The following VWA5A variants were observed in gnomAD, a reference collection of about 807,000 sequenced individuals.
The protein encoded by VWA5A is von Willebrand factor A domain containing 5A.
VWA5A carries 77 observed loss-of-function variants against 84.6 expected under a neutral mutation model. The ratio of observed to expected loss-of-function variants is 0.91; its 90% CI spans 0.76 to 1.10. The LOEUF is 1.10. VWA5A is among the 50% of genes least tolerant of loss of function. VWA5A has a pLI of 0.00. For missense variants in VWA5A, 973 were observed against 963.0 expected (o/e 1.01, Z -0.14); for synonymous variants, 334 against 350.1 (o/e 0.95, Z 0.51).
At chr11:124,122,416 A>G (rs976052290) in intron 7 of VWA5A, among the ~76,000 whole-genome samples, 1 of 152,224 alleles carries the variant, frequency 6.6e-6, no homozygotes, top group Non-Finnish European at 1.5e-5. Flanking sequence ...GGGGACTATC[A>G]GCGAGTTATT....
chr11:124,134,629 G>T (rs1865145883), intron 11 of VWA5A, among the ~76,000 whole-genome samples: 1 of 152,160 alleles, frequency 6.6e-6, no homozygotes. Flanking sequence ...CTATCATTTA[G>T]TAGTTGCATG....
chr11:124,122,175 G>A lies in VWA5A; in HGVS notation c.761-785G>A, dbSNP rs111951222. Among the ~76,000 whole-genome samples, 363 of 152,316 alleles carry A rather than the reference G, an allele frequency of 2.4e-3. 3 individuals carry two copies. The highest frequency in any genetic ancestry group is 8.2e-3 in the African/African-American group (339 of 41,582). On this transcript the variant is annotated intron_variant, in intron 7 of 18. Coordinates refer to ENST00000456829, the MANE Select transcript of VWA5A (RefSeq NM_001130142.2). ...TGGGATAAAGGAATTTAATTATATAGCCTCTTATATTTTCTGTAAAGCTGG... is the reference window on the plus strand; with the variant it reads ...TGGGATAAAGGAATTTAATTATATAACCTCTTATATTTTCTGTAAAGCTGG...
chr11:124,142,298 A>G, intron 16 of VWA5A, 144 bp from the exon 17 acceptor site: 1 of 1,131,108 alleles, frequency 8.8e-7, no homozygotes, highest in Non-Finnish European at 1.2e-6. Context: ...TTGAAGACCG[A>G]TCTTCTGGAT....
chr11:124,146,083 T>G lies in VWA5A; in HGVS notation c.*138T>G. The G allele has an allele frequency of 1.2e-6, 1 of 827,630 alleles. No individual in the cohort carries two copies. The highest frequency in any genetic ancestry group is 2.9e-5 in the East Asian group (1 of 34,178). The allele number at this position is 827,630 out of a possible 1,614,324, so 51.3% of individuals were successfully genotyped here. A position where few individuals can be genotyped will look rare whatever the true frequency, so the allele number is the denominator to read the frequency against. Reference sequence around the variant, plus strand: ...AAAAGTAAAGGATGCTTACTCCACTTCGCTTCTCTGCTCCAGGTTCACTTT... The same window carrying G: ...AAAAGTAAAGGATGCTTACTCCACTGCGCTTCTCTGCTCCAGGTTCACTTT... On this transcript the variant is annotated 3_prime_UTR_variant, in exon 19 of 19. Transcript: ENST00000456829.
At chr11:124,145,789 G>T in intron 18 of VWA5A, 77 bp from the exon 19 acceptor site, 1 of 1,418,742 alleles carries the variant, frequency 7.0e-7, no homozygotes, top group Non-Finnish European at 9.6e-7. Context: ...CACAACTCAG[G>T]GTAGATGATC....
Position 124,123,378 on chromosome 11 carries a change from T to A in VWA5A, c.943T>A (p.Leu315Met). The change falls in exon 9 of 19, where the codon TTG (leucine) becomes ATG (methionine). Residue 315 changes from leucine (L) to methionine (M), a missense_variant. By Grantham distance (15) the Leu-to-Met change is conservative. Transcript: ENST00000456829. ...RIQAAKETLI[L>M]LLKSLPIGCY... ...CTCTTACCTTCAGGAAACACTGATT[T>A]TGCTGCTGAAGAGTTTACCTATAGG... 1 of 1,613,748 alleles carries A rather than the reference T, an allele frequency of 6.2e-7. No homozygotes were observed. The highest frequency in any genetic ancestry group is 1.7e-4 in the Middle Eastern group (1 of 6,060).
In VWA5A at chr11:124,136,665, C is replaced by G. The variant is rs1860592586; in HGVS notation, c.1616C>G (p.Pro539Arg). 1 of 1,613,276 alleles carries G rather than the reference C, an allele frequency of 6.2e-7. No individual in the cohort carries two copies. Among genetic ancestry groups the G allele is most frequent in the Non-Finnish European group, 8.5e-7 (1 of 1,179,676 alleles). ...GTGACATTTCCTCTACAACCCAAGC[C>G]TGATGTCAAGTGAGAATTCAGTTTT... Reference protein sequence around the residue: ...DKVTFPLQPKPDVNLTIHRLA... With the variant: ...DKVTFPLQPKRDVNLTIHRLA... Residue 539 changes from proline to arginine, a missense_variant, in exon 14 of 19, where the codon CCT becomes CGT. Pro to Arg is a moderately radical substitution (Grantham distance 103). Coordinates refer to ENST00000456829, the MANE Select transcript of VWA5A (RefSeq NM_001130142.2).
chr11:124,116,665 G>A lies in VWA5A; in HGVS notation c.-31G>A, dbSNP rs1864835659. On this transcript the variant is annotated 5_prime_UTR_variant, in exon 2 of 19. Transcript: ENST00000456829. ...CTCCTCACACCTGCCACTGTCCTCT[G>A]CGTTGCTGTCGAATTGTGAGTCATT... 6.6e-6 allele frequency: 1 copy of A among 152,200 alleles called. No individual in the cohort carries two copies. Among genetic ancestry groups the A allele is most frequent in the Non-Finnish European group, 1.5e-5 (1 of 68,064 alleles). 9.4% of individuals were successfully genotyped at this position (152,200 alleles called of 1,614,324 possible).
intron 11 of VWA5A, among the ~76,000 whole-genome samples, chr11:124,126,527 G>A (rs545757268): frequency 2.6e-5 from 4 of 152,270 alleles, no homozygotes; most frequent in Admixed American, 2.0e-4. Context: ...TTGGGAGGCC[G>A]AGGCAGGCAG....
At chr11:124,130,151 C>T in intron 11 of VWA5A, among the ~76,000 whole-genome samples, 1 of 152,108 alleles carries the variant, frequency 6.6e-6, no homozygotes, top group Non-Finnish European at 1.5e-5. Context: ...AGTGCTTTAG[C>T]TGTGTCCCAG....
Position 124,116,667 on chromosome 11 carries a change from G to A in VWA5A, c.-29G>A, listed in dbSNP as rs1348820557. 2.6e-5 allele frequency: 4 copies of A among 152,188 alleles called. No homozygotes were observed. The highest frequency in any genetic ancestry group is 2.1e-4 in the South Asian group (1 of 4,832). 9.4% of individuals were successfully genotyped at this position (152,188 alleles called of 1,614,324 possible). A position where few individuals can be genotyped will look rare whatever the true frequency, so the allele number is the denominator to read the frequency against. On this transcript the variant is annotated 5_prime_UTR_variant, in exon 2 of 19. Coordinates refer to ENST00000456829, the MANE Select transcript of VWA5A (RefSeq NM_001130142.2). Reference sequence around the variant, plus strand: ...CCTCACACCTGCCACTGTCCTCTGCGTTGCTGTCGAATTGTGAGTCATTTT... The same window carrying A: ...CCTCACACCTGCCACTGTCCTCTGCATTGCTGTCGAATTGTGAGTCATTTT...
At chr11:124,124,443 G>A in intron 11 of VWA5A, 127 bp downstream of exon 11, 1 of 1,407,032 alleles carries the variant, frequency 7.1e-7, no homozygotes, top group Non-Finnish European at 9.2e-7. Context: ...AGTTTTAGCA[G>A]CTGAAAATTT....
At chr11:124,134,441 G>C (rs1387359610) in intron 11 of VWA5A, among the ~76,000 whole-genome samples, 1 of 152,124 alleles carries the variant, frequency 6.6e-6, no homozygotes, top group Non-Finnish European at 1.5e-5. Flanking sequence ...ACTAAGGCAG[G>C]GCAAGAACTC....
chr11:124,137,233 G>T lies in VWA5A; in HGVS notation c.1844G>T (p.Gly615Val). The change falls in exon 15 of 19, where the codon GGT becomes GTT. Residue 615 changes from glycine to valine, a missense_variant. By Grantham distance (109) the Gly-to-Val change is moderately radical (BLOSUM62 -3). Transcript: ENST00000456829. Reference protein sequence around the residue: ...HRDVPRPILLGASAPLKIKCQ... With the variant: ...HRDVPRPILLVASAPLKIKCQ... ...GACGTCCCAAGGCCAATTCTGTTGGGTGCTTCTGCCCCATTGAAGATAAAA... is the reference window on the plus strand; with the variant it reads ...GACGTCCCAAGGCCAATTCTGTTGGTTGCTTCTGCCCCATTGAAGATAAAA... 1 of 1,614,152 alleles carries T rather than the reference G, an allele frequency of 6.2e-7. No individual in the cohort carries two copies. The highest frequency in any genetic ancestry group is 8.5e-7 in the Non-Finnish European group (1 of 1,180,028).
chr11:124,134,140 T>C (rs144961130), intron 11 of VWA5A, among the ~76,000 whole-genome samples: 185 of 152,344 alleles, frequency 1.2e-3, no homozygotes, highest in African/African-American at 4.2e-3. Context: ...TGTCAGGCTA[T>C]AGTATTTAGG....
Position 124,124,317 on chromosome 11 carries a change from G to A in VWA5A, c.1244+1G>A, listed in dbSNP as rs780717086. On this transcript the variant is annotated splice_donor_variant, in intron 11 of 18. Transcript: ENST00000456829. LOFTEE classifies it high-confidence loss of function. ...TTAGGATCAACAGACAGAAACACAG[G>A]TAGGAAGAAAATGTGATTTCCGGGT... is the stretch of plus-strand genomic sequence containing the variant. The A allele has an allele frequency of 1.2e-6, 2 of 1,613,702 alleles. No individual in the cohort carries two copies. Among genetic ancestry groups the A allele is most frequent in the Admixed American group, 3.3e-5 (2 of 59,968 alleles).
At chr11:124,122,304 A>G (rs1265988104) in intron 7 of VWA5A, among the ~76,000 whole-genome samples, 1 of 152,190 alleles carries the variant, frequency 6.6e-6, no homozygotes, top group African/African-American at 2.4e-5. Context: ...TGTGGCTTTG[A>G]CAACATGGCC....
At chr11:124,142,352 G>A in intron 16 of VWA5A, 90 bp from the exon 17 acceptor site, 1 of 1,521,468 alleles carries the variant, frequency 6.6e-7, no homozygotes, top group Non-Finnish European at 8.9e-7. Context: ...GCTATGGCCT[G>A]TCTCTGAATT....
chr11:124,138,450 G>C (rs576979362), intron 15 of VWA5A, among the ~76,000 whole-genome samples: 1 of 151,924 alleles, frequency 6.6e-6, no homozygotes, highest in African/African-American at 2.4e-5. Context: ...ACCAGTACTT[G>C]TTATCTTTTG....
Sources: gnomAD v4.1 joint callset for allele counts (sites outside exome capture counted in the v4.1 genomes callset) on GRCh38, gnomAD v4.1.1 for gene constraint, MANE v1.5 for transcripts, NCBI Gene and HGNC (gene_info 2026-07-23, HGNC 2026-07-21) for gene names.